Variants in WDR20 observed in about 807,000 individuals in gnomAD.
WDR20 encodes the protein WD repeat-containing protein 20.
In WDR20, 3 loss-of-function variants were observed where a neutral mutation model predicts 38.7. The observed-to-expected ratio is 0.08, with a 90% CI of 0.04 to 0.20. WDR20 has a LOEUF of 0.20. Ranked by LOEUF, WDR20 falls within the 10% of genes least tolerant of loss-of-function variation. The probability of loss-of-function intolerance (pLI) is 1.00; values close to 1 mark genes in which losing one functional copy is unlikely to be tolerated. For missense variants in WDR20, 559 were observed against 727.7 expected, an observed-to-expected ratio of 0.77 and a Z score of 2.67; for synonymous variants, 298 against 285.6, an observed-to-expected ratio of 1.04 and a Z score of -0.44.
chr14:102,163,496 C>T (rs2059170057), intron 1 of WDR20, among the ~76,000 whole-genome samples: 1 of 151,830 alleles, frequency 6.6e-6, no homozygotes, highest in South Asian at 2.1e-4. Context: ...GGCGTGGTGG[C>T]GTGTGCCTGT....
intron 1 of WDR20, among the ~76,000 whole-genome samples, chr14:102,186,662 C>T (rs928653683): frequency 1.3e-5 from 2 of 152,004 alleles, no homozygotes; most frequent in South Asian, 2.1e-4. Flanking sequence ...GTTAAAAGTT[C>T]CACCAAGGGC....
chr14:102,157,720 AG>A (rs1226453982), intron 1 of WDR20, among the ~76,000 whole-genome samples: 3 of 152,146 alleles, frequency 2.0e-5, no homozygotes, highest in Non-Finnish European at 4.4e-5. Context: ...GAGAACTAGA[AG>A]TTCAAGGCCT....
At chr14:102,180,675 C>G (rs1271711321) in intron 1 of WDR20, among the ~76,000 whole-genome samples, 1 of 152,144 alleles carries the variant, frequency 6.6e-6, no homozygotes, top group South Asian at 2.1e-4. Context: ...TTGTAGTACT[C>G]TACACGGAGG....
intron 1 of WDR20, among the ~76,000 whole-genome samples, chr14:102,159,782 C>T (rs1039936122): frequency 1.7e-4 from 26 of 151,688 alleles, no homozygotes; most frequent in Admixed American, 1.2e-3. Context: ...TGTAGTGAAC[C>T]GAGATCAAGC....
rs973559857 is a variant in WDR20, at chr14:102,194,868, A to C, written c.250-70A>C. ...AGATGAAACATCATAATGGAGTATA[A>C]AGTAGCATAACTTAGATTTCTCATC... On this transcript the variant is annotated intron_variant, in intron 1 of 2. Coordinates refer to ENST00000342702, the MANE Select transcript of WDR20 (RefSeq NM_144574.4). 2.7e-6 allele frequency: 4 copies of C among 1,470,418 alleles called. No individual in the cohort carries two copies. The African/African-American group carries it at 5.6e-5, about 21-fold the overall frequency. 91.1% of individuals were successfully genotyped at this position (1,470,418 alleles called of 1,614,324 possible). A position where few individuals can be genotyped will look rare whatever the true frequency, so the allele number is the denominator to read the frequency against.
In WDR20 at chr14:102,210,119, G is replaced by A. The variant is rs2062257238; in HGVS notation, c.*239G>A. ...AGCCAAGTCAGTCATCCTCCTGGGA[G>A]TATATAGAGTCCCAAGGTTAGCGCT... is the stretch of plus-strand genomic sequence containing the variant. On this transcript the variant is annotated 3_prime_UTR_variant, in exon 3 of 3. Coordinates refer to ENST00000342702, the MANE Select transcript of WDR20 (RefSeq NM_144574.4). The A allele has an allele frequency of 5.5e-6, 7 of 1,272,024 alleles. No individual in the cohort carries two copies. In the East Asian group the frequency reaches 1.0e-4, roughly 18 times the overall value. 78.8% of individuals were successfully genotyped at this position (1,272,024 alleles called of 1,614,324 possible).
intron 1 of WDR20, among the ~76,000 whole-genome samples, chr14:102,158,315 A>C (rs1196562277): frequency 6.6e-6 from 1 of 151,484 alleles, no homozygotes; most frequent in Non-Finnish European, 1.5e-5. Context: ...TTTTTTTTTT[A>C]AGATGGAGTC....
In WDR20 at chr14:102,222,777, G is replaced by A; in HGVS notation, c.1693-53G>A. On this transcript the variant is annotated intron_variant, in intron 3 of 3. Transcript: ENST00000335263. This position sits in a 1 kb window ranked among gnomAD's most constrained non-coding sequence, Gnocchi z 4.4. ...CTGCTGGCGGAGGGCGCGCATGGTG[G>A]CTGTTGCCCGTCCGGTGTTTTGCTG... is the stretch of plus-strand genomic sequence containing the variant. 1 of 1,606,730 alleles carries A rather than the reference G, an allele frequency of 6.2e-7. No homozygotes were observed.
chr14:102,180,579 G>A (rs1209043226), intron 1 of WDR20, among the ~76,000 whole-genome samples: 1 of 152,214 alleles, frequency 6.6e-6, no homozygotes, highest in African/African-American at 2.4e-5. Flanking sequence ...TGAGAGCAGG[G>A]CAAGTACTCA....
intron 1 of WDR20, among the ~76,000 whole-genome samples, chr14:102,181,930 A>G (rs1053829536): frequency 3.9e-5 from 6 of 152,206 alleles, no homozygotes; most frequent in Non-Finnish European, 7.3e-5. Flanking sequence ...TGAGACTACA[A>G]ATACACCTCC....
At chr14:102,150,797 T>A (rs2055520424) in intron 1 of WDR20, among the ~76,000 whole-genome samples, 1 of 152,168 alleles carries the variant, frequency 6.6e-6, no homozygotes, top group Non-Finnish European at 1.5e-5. Flanking sequence ...AAGAGTATCA[T>A]CTAACCAAGG....
At chr14:102,156,998 AAAAT>A (rs1303074263) in intron 1 of WDR20, among the ~76,000 whole-genome samples, 6 of 152,264 alleles carry the variant, frequency 3.9e-5, no homozygotes, top group African/African-American at 9.6e-5. Context: ...CTCAAAATAA[AAAAT>A]AAATAAAATA....
intron 1 of WDR20, 133 bp from the exon 2 acceptor site, chr14:102,194,805 T>G: frequency 1.0e-6 from 1 of 977,888 alleles, no homozygotes. Flanking sequence ...TGATGTTAAG[T>G]CACAACTGAA....
At chr14:102,201,749 G>T (rs2060429769) in intron 2 of WDR20, among the ~76,000 whole-genome samples, 1 of 152,196 alleles carries the variant, frequency 6.6e-6, no homozygotes, top group South Asian at 2.1e-4. Context: ...TGCGTTTTGG[G>T]TTTTTTGTGT....
chr14:102,163,772 T>C (rs1566869048), intron 1 of WDR20, among the ~76,000 whole-genome samples: 1 of 152,264 alleles, frequency 6.6e-6, no homozygotes, highest in Admixed American at 6.5e-5. Flanking sequence ...AGTGTCTTCA[T>C]TGCCTGAAAC....
chr14:102,186,226 T>TTG (rs986568757), intron 1 of WDR20, among the ~76,000 whole-genome samples: 23 of 152,172 alleles, frequency 1.5e-4, no homozygotes, highest in African/African-American at 5.3e-4. Flanking sequence ...GAAACATGGA[T>TTG]TGTGTGGGTC....
intron 2 of WDR20, among the ~76,000 whole-genome samples, chr14:102,204,152 A>T: frequency 6.6e-6 from 1 of 152,100 alleles, no homozygotes; most frequent in East Asian, 1.9e-4. Flanking sequence ...AACGGGAGAC[A>T]GCATGCTCGC....
At chr14:102,210,617 G>A, downstream of WDR20, 1 of 876,264 alleles carries the variant, frequency 1.1e-6, no homozygotes, top group Non-Finnish European at 1.4e-6. Context: ...TGCGGGCCGA[G>A]GACGCCAACA....
intron 1 of WDR20, among the ~76,000 whole-genome samples, chr14:102,144,359 A>G (rs2052751692): frequency 1.3e-5 from 2 of 151,588 alleles, no homozygotes; most frequent in African/African-American, 4.8e-5. Flanking sequence ...GTGCTTGCCT[A>G]TAGTCCCAGC....
Sources: allele counts gnomAD v4.1 joint callset (sites outside exome capture counted in the v4.1 genomes callset), GRCh38; gene constraint gnomAD v4.1.1; non-coding constraint Gnocchi (gnomAD v3.1); transcripts MANE v1.5; gene names NCBI Gene and HGNC (gene_info 2026-07-23, HGNC 2026-07-21).